Variants in CPLX1 observed in about 807,000 individuals in gnomAD.
CPLX1 encodes complexin-1.
In CPLX1, 6 loss-of-function variants were observed where a neutral mutation model predicts 15.6. The ratio of observed to expected loss-of-function variants is 0.39; its 90% CI spans 0.21 to 0.76. The LOEUF (loss-of-function observed/expected upper bound fraction) is 0.76. Among genes scored for constraint, CPLX1 ranks in the 30% least tolerant of loss-of-function variants. The probability of loss-of-function intolerance (pLI) is 0.43; values close to 1 mark genes in which losing one functional copy is unlikely to be tolerated. For synonymous variants in CPLX1, 91 were observed against 75.2 expected, an observed-to-expected ratio of 1.21 and a Z score of -1.08; for missense variants, 242 against 188.6, an observed-to-expected ratio of 1.28 and a Z score of -1.66.
At chr4:792,328 G>A in intron 3 of CPLX1, 105 bp downstream of exon 3, 2 of 1,138,254 alleles carry the variant, frequency 1.8e-6, no homozygotes, top group Middle Eastern at 3.0e-4. Flanking sequence ...AGGCCCAGGG[G>A]GACGCCCGCC....
intron 2 of CPLX1, chr4:792,817 G>A (rs1395253362): frequency 1.8e-6 from 1 of 555,002 alleles, no homozygotes; most frequent in African/African-American, 2.0e-5. Flanking sequence ...GTGTGCTGGG[G>A]TCTCCTGCTT....
chr4:801,850 G>C (rs1278302308), intron 2 of CPLX1, among the ~76,000 whole-genome samples: 1 of 152,224 alleles, frequency 6.6e-6, no homozygotes, highest in East Asian at 1.9e-4. Flanking sequence ...AAATCACACA[G>C]AGATACCACC....
chr4:807,641 A>G (rs969412170), intron 2 of CPLX1, among the ~76,000 whole-genome samples: 7 of 151,072 alleles, frequency 4.6e-5, no homozygotes, highest in African/African-American at 1.5e-4. Context: ...TGCCCGGCCA[A>G]TTTTTTTTTA....
chr4:820,659 C>T (rs959970161), intron 2 of CPLX1, among the ~76,000 whole-genome samples: 3 of 152,106 alleles, frequency 2.0e-5, no homozygotes, highest in Non-Finnish European at 4.4e-5. Flanking sequence ...CATTGTGGCT[C>T]AGGGCATCCC....
chr4:816,000 T>C (rs1746749257), intron 2 of CPLX1, among the ~76,000 whole-genome samples: 1 of 152,212 alleles, frequency 6.6e-6, no homozygotes, highest in African/African-American at 2.4e-5. Context: ...TTGTCTGTCC[T>C]TGAGAATATA....
rs1236361727 is a variant in CPLX1, at chr4:786,707, G to C, written c.208-9C>G. ...TTCTTCTTGATGCCGTACTGCGGGG[G>C]AGGCGGGGGTCAGGGCGGGGGTCCC... On this transcript the variant is annotated splice_polypyrimidine_tract_variant and intron_variant, in intron 3 of 3. Transcript: ENST00000304062. 6.3e-7 allele frequency: 1 copy of C among 1,585,382 alleles called. No homozygotes were observed. The highest frequency in any genetic ancestry group is 1.4e-5 in the African/African-American group (1 of 73,652).
At chr4:800,684 C>G (rs1746434486) in intron 2 of CPLX1, among the ~76,000 whole-genome samples, 1 of 131,184 alleles carries the variant, frequency 7.6e-6, no homozygotes, top group South Asian at 2.5e-4. Flanking sequence ...GTCAGGAGTT[C>G]GAGACCAGCC....
chr4:804,832 T>A, intron 2 of CPLX1: 4 of 984,454 alleles, frequency 4.1e-6, no homozygotes, highest in Non-Finnish European at 4.8e-6. Context: ...CCGGCAAGCG[T>A]GGGGAGCGAC....
chr4:796,752 C>T (rs1355158216), intron 2 of CPLX1, among the ~76,000 whole-genome samples: 1 of 152,192 alleles, frequency 6.6e-6, no homozygotes, highest in African/African-American at 2.4e-5. Context: ...CCCCAAACTC[C>T]GAAGAATTAA....
intron 2 of CPLX1, among the ~76,000 whole-genome samples, chr4:805,956 G>C (rs1210904350): frequency 6.6e-6 from 1 of 152,202 alleles, no homozygotes; most frequent in Non-Finnish European, 1.5e-5. Context: ...GGGGGAAGGA[G>C]AGTGGGGAGT....
At chr4:797,793 C>A (rs965098455) in intron 2 of CPLX1, among the ~76,000 whole-genome samples, 8 of 152,024 alleles carry the variant, frequency 5.3e-5, no homozygotes, top group African/African-American at 1.9e-4. Context: ...AGTAGCCGGG[C>A]ATGGTGGCGG....
At chr4:800,888 G>A (rs1358732257) in intron 2 of CPLX1, among the ~76,000 whole-genome samples, 5 of 151,254 alleles carry the variant, frequency 3.3e-5, no homozygotes, top group South Asian at 2.1e-4. Context: ...ATGGTGACGG[G>A]CACCCGTAAT....
At position 786,919 on chromosome 4, in the gene CPLX1, G is replaced by C. The variant is rs6816792; in HGVS notation, c.208-221C>G. On this transcript the variant is annotated intron_variant, in intron 3 of 3. Coordinates refer to ENST00000304062, the MANE Select transcript of CPLX1 (RefSeq NM_006651.4). ...AGAATGGGGGCCAGGAGCTGACATG[G>C]GGGGGAGCAGGGAGGGGGAGGCTCC... 10 of 979,032 alleles carry C rather than the reference G, an allele frequency of 1.0e-5. No homozygotes were observed. In the African/African-American group the frequency reaches 1.2e-4, roughly 12 times the overall value. The allele number at this position is 979,032 out of a possible 1,614,324, so 60.6% of individuals were successfully genotyped here. A position where few individuals can be genotyped will look rare whatever the true frequency, so the allele number is the denominator to read the frequency against.
At chr4:807,220 A>G (rs1746571065) in intron 2 of CPLX1, among the ~76,000 whole-genome samples, 1 of 152,248 alleles carries the variant, frequency 6.6e-6, no homozygotes, top group South Asian at 2.1e-4. Context: ...AAACTAACAC[A>G]GGAACAGAAA....
Position 786,329 on chromosome 4 carries a change from G to C in CPLX1, c.*172C>G. 1 of 579,566 alleles carries C rather than the reference G, an allele frequency of 1.7e-6. No homozygotes were observed. The highest frequency in any genetic ancestry group is 3.0e-5 in the South Asian group (1 of 33,786). The allele number at this position is 579,566 out of a possible 1,614,324, so 35.9% of individuals were successfully genotyped here. ...CACGGGGCGGACTGGGGGGGTCCTG[G>C]GGGCGCGCGCCCCTTGCCGGGTGAG... On this transcript the variant is annotated 3_prime_UTR_variant, in exon 4 of 4. Transcript: ENST00000304062.
intron 2 of CPLX1, among the ~76,000 whole-genome samples, chr4:799,092 CCT>C (rs1746402433): frequency 6.6e-6 from 1 of 152,226 alleles, no homozygotes; most frequent in African/African-American, 2.4e-5. Context: ...AAACAGAACC[CCT>C]CTCTCTGACC....
intron 2 of CPLX1, among the ~76,000 whole-genome samples, chr4:798,810 A>G (rs981781962): frequency 6.6e-6 from 1 of 152,248 alleles, no homozygotes; most frequent in African/African-American, 2.4e-5. Context: ...CTCACAATCA[A>G]TCATAGATCT....
intron 2 of CPLX1, among the ~76,000 whole-genome samples, chr4:817,713 C>T (rs555826637): frequency 6.6e-6 from 1 of 150,840 alleles, no homozygotes; most frequent in Admixed American, 6.6e-5. Flanking sequence ...GTGACCGCCC[C>T]CTTCCCTCAC....
chr4:820,775 C>T (rs1224316326), intron 2 of CPLX1, among the ~76,000 whole-genome samples: 1 of 151,820 alleles, frequency 6.6e-6, no homozygotes, highest in African/African-American at 2.4e-5. Flanking sequence ...ACACCCCTCA[C>T]CAGCCTCACG....
Sources: allele counts gnomAD v4.1 joint callset (sites outside exome capture counted in the v4.1 genomes callset), GRCh38; gene constraint gnomAD v4.1.1; transcripts MANE v1.5; gene names NCBI Gene and HGNC (gene_info 2026-07-23, HGNC 2026-07-21).